The following LRG1 variants were observed in gnomAD, a reference collection of about 807,000 sequenced individuals.
LRG1 encodes leucine rich alpha-2-glycoprotein 1.
Under a neutral mutation model 2.4 loss-of-function variants are expected in LRG1, and 1 was observed. The ratio of observed to expected loss-of-function variants is 0.41; its 90% CI spans 0.15 to 1.95. LRG1 has a LOEUF of 1.95. Ranked by LOEUF, LRG1 falls within the 30% of genes most tolerant of loss-of-function variation. LRG1 has a pLI of 0.30. For missense variants in LRG1, 425 were observed against 436.9 expected, an observed-to-expected ratio of 0.97 and a Z score of 0.24; for synonymous variants, 226 against 210.6, an observed-to-expected ratio of 1.07 and a Z score of -0.63.
chr19:4,539,393 C>T (rs1395482015), intron 1 of LRG1, among the ~76,000 whole-genome samples: 2 of 152,224 alleles, frequency 1.3e-5, no homozygotes, highest in Non-Finnish European at 2.9e-5. Context: ...AGCTCCAATG[C>T]CCTCTTTTCC....
rs974706774 is a variant in LRG1 at position 4,536,888 on chromosome 19, C to T, written c.*1052G>A. On this transcript the variant is annotated 3_prime_UTR_variant, in exon 2 of 2. Transcript: ENST00000306390. ...CTTGCCCGGGGGCAGGTGCCCCCTTCGATGATCTCAGGTCAGCATGACAAA... is the reference window on the plus strand; with the variant it reads ...CTTGCCCGGGGGCAGGTGCCCCCTTTGATGATCTCAGGTCAGCATGACAAA... The T allele has an allele frequency of 6.6e-6, 1 of 152,288 alleles. No homozygotes were observed. Among genetic ancestry groups the T allele is most frequent in the Non-Finnish European group, 1.5e-5 (1 of 68,092 alleles). 9.4% of individuals were successfully genotyped at this position (152,288 alleles called of 1,614,324 possible). A position where few individuals can be genotyped will look rare whatever the true frequency, so the allele number is the denominator to read the frequency against.
In LRG1 at chr19:4,539,423, G is replaced by A. The variant is rs181486227; in HGVS notation, c.33-472C>T. ...TTTTCCATGAAGACTTCTCTGCTCT[G>A]GGATCCTGGTCTTTTTGTCCACTCT... On this transcript the variant is annotated intron_variant, in intron 1 of 1. Coordinates refer to ENST00000306390, the MANE Select transcript of LRG1 (RefSeq NM_052972.3). Among the ~76,000 whole-genome samples, 669 of 152,286 alleles carry A rather than the reference G, an allele frequency of 4.4e-3. 3 individuals carry two copies. Among genetic ancestry groups the A allele is most frequent in the Non-Finnish European group, 4.2e-3 (285 of 68,034 alleles).
Position 4,540,005 on chromosome 19 carries a change from A to G in LRG1, c.9T>C (p.Ser3=). 1.2e-6 allele frequency: 2 copies of G among 1,614,134 alleles called. No individual in the cohort carries two copies. The highest frequency in any genetic ancestry group is 1.1e-5 in the South Asian group (1 of 91,086). ...ACCTTTTTGGTCGCTGTCTGCTCCA[A>G]GAGGACATGGTAGCTCTGCTCTTTT... MS[S]WSRQRPKSPG... The change falls in exon 1 of 2, where the codon TCT becomes TCC. Residue 3 remains serine, a synonymous_variant. Transcript: ENST00000306390.
intron 1 of LRG1, 105 bp from the exon 2 acceptor site, chr19:4,539,056 A>C: frequency 1.8e-6 from 2 of 1,135,404 alleles, no homozygotes; most frequent in Non-Finnish European, 2.4e-6. Context: ...CTCTGCGGCT[A>C]CCAGCCTGGA....
At position 4,537,493 on chromosome 19, in the gene LRG1, A is replaced by G. The variant is rs1976957957; in HGVS notation, c.*447T>C. The stretch of plus-strand genomic sequence containing the variant: ...CCATCGTGTGTTCTAGGAAGCATGG[A>G]TGGATGAAACGGGGTCCCAGCCGCT... On this transcript the variant is annotated 3_prime_UTR_variant, in exon 2 of 2. Transcript: ENST00000306390. The G allele has an allele frequency of 3.6e-5, 6 of 167,644 alleles. No homozygotes were observed. The South Asian group carries it at 8.2e-4, about 23-fold the overall frequency. The allele number at this position is 167,644 out of a possible 1,614,324, so 10.4% of individuals were successfully genotyped here.
Position 4,538,043 on chromosome 19 carries a change from A to G in LRG1, c.941T>C (p.Leu314Pro). 6.2e-6 allele frequency: 10 copies of G among 1,614,190 alleles called. No individual in the cohort carries two copies. Among genetic ancestry groups the G allele is most frequent in the Non-Finnish European group, 6.8e-6 (8 of 1,180,038 alleles). ...DQNLSDLYRW[L>P]QAQKDKMFSQ... is the part of the protein sequence containing the mutation. ...AAACATCTTGTCTTTTTGGGCCTGA[A>G]GCCAACGATAGAGGTCGCTCAGGTT... Residue 314 changes from leucine to proline, a missense_variant, in exon 2 of 2, where the codon CTT becomes CCT. By Grantham distance (98) the Leu-to-Pro change is moderately conservative. Coordinates refer to ENST00000306390, the MANE Select transcript of LRG1 (RefSeq NM_052972.3).
Position 4,538,111 on chromosome 19 carries a change from C to T in LRG1, c.873G>A (p.Arg291=). 6.2e-7 allele frequency: 1 copy of T among 1,614,182 alleles called. No individual in the cohort carries two copies. The highest frequency in any genetic ancestry group is 1.1e-5 in the South Asian group (1 of 91,088). Residue 291 remains arginine, a synonymous_variant, in exon 2 of 2, where the codon CGG becomes CGA. Coordinates refer to ENST00000306390, the MANE Select transcript of LRG1 (RefSeq NM_052972.3). The stretch of plus-strand genomic sequence containing the variant: ...GGTTGCCGGAGATGTCGAAGCCATC[C>T]CGCATGTCCCAGTTTGGCTGCCCTA... The part of the protein sequence containing the change: ...ASLGQPNWDM[R]DGFDISGNPW...
intron 1 of LRG1, chr19:4,539,156 T>A: frequency 2.4e-6 from 1 of 419,884 alleles, no homozygotes. Context: ...CTGCCAGAAG[T>A]GGCCCCTGTT....
chr19:4,538,016 G>GA lies in LRG1; in HGVS notation c.967dup (p.Ser323PhefsTer4). ...CCCAGCACAGCGCGTGTCATTCTGG[G>GA]AAAACATCTTGTCTTTTTGGGCCTG... On this transcript the variant is annotated frameshift_variant, in exon 2 of 2. Coordinates refer to ENST00000306390, the MANE Select transcript of LRG1 (RefSeq NM_052972.3). LOFTEE classifies it low-confidence loss of function (END_TRUNC). The GA allele has an allele frequency of 6.2e-7, 1 of 1,614,136 alleles. No homozygotes were observed. The highest frequency in any genetic ancestry group is 1.1e-5 in the South Asian group (1 of 91,090).
rs535212158 is a variant in LRG1 at position 4,537,506 on chromosome 19, G to A, written c.*434C>T. The stretch of plus-strand genomic sequence containing the variant: ...TAGGAAGCATGGATGGATGAAACGG[G>A]GTCCCAGCCGCTATGGACAGCCCCG... On this transcript the variant is annotated 3_prime_UTR_variant, in exon 2 of 2. Coordinates refer to ENST00000306390, the MANE Select transcript of LRG1 (RefSeq NM_052972.3). 2 of 167,596 alleles carry A rather than the reference G, an allele frequency of 1.2e-5. No homozygotes were observed. Among genetic ancestry groups the A allele is most frequent in the Non-Finnish European group, 2.6e-5 (2 of 76,440 alleles). The allele number at this position is 167,596 out of a possible 1,614,324, so 10.4% of individuals were successfully genotyped here.
At position 4,538,395 on chromosome 19, in the gene LRG1, C is replaced by T. The variant is rs114295397; in HGVS notation, c.589G>A (p.Glu197Lys). 1.5e-3 allele frequency: 2,501 copies of T among 1,614,180 alleles called. 36 individuals are homozygous for T. The African/African-American group carries it at 0.029, about 19-fold the overall frequency. ...GGTGGCAAGGTCTCCAACTGGTTCT[C>T]CCCAAGGTCAAGGGTGCGCAGGAGG... ...FTLLRTLDLG[E>K]NQLETLPPDL... The change falls in exon 2 of 2, where the codon GAG (glutamate) becomes AAG (lysine). Residue 197 changes from glutamate (E) to lysine (K), a missense_variant. Physicochemically the swap from Glu to Lys is moderately conservative, Grantham distance 56. Transcript: ENST00000306390.
intron 1 of LRG1, among the ~76,000 whole-genome samples, chr19:4,539,525 G>A (rs1976988676): frequency 6.6e-6 from 1 of 152,332 alleles, no homozygotes; most frequent in South Asian, 2.1e-4. Flanking sequence ...AGTTGCCCAG[G>A]CTGGAGGGAA....
In LRG1 at chr19:4,538,564, G is replaced by A. The variant is rs868522046; in HGVS notation, c.420C>T (p.Ala140=). ...GLPPGLFQAS[A]TLDTLVLKEN... Reference sequence around the variant, plus strand: ...CTTTCAATACCAGGGTGTCCAGGGTGGCTGAGGCCTGGAAGAGGCCCGGGG... The same window carrying A: ...CTTTCAATACCAGGGTGTCCAGGGTAGCTGAGGCCTGGAAGAGGCCCGGGG... Residue 140 remains alanine (A), a synonymous_variant, in exon 2 of 2, where the codon GCC becomes GCT. Transcript: ENST00000306390. 1 of 1,613,558 alleles carries A rather than the reference G, an allele frequency of 6.2e-7. No homozygotes were observed. The highest frequency in any genetic ancestry group is 1.7e-5 in the Admixed American group (1 of 60,026).
rs775125758 is a variant in LRG1, at chr19:4,538,189, C to G, written c.795G>C (p.Leu265=). The part of the protein sequence containing the change: ...AFQGLRQLDM[L]DLSNNSLASV... Reference sequence around the variant, plus strand: ...TGGCCAGTGAGTTATTGGAGAGGTCCAGCATGTCCAGCTGCCGCAGGCCCT... The same window carrying G: ...TGGCCAGTGAGTTATTGGAGAGGTCGAGCATGTCCAGCTGCCGCAGGCCCT... The change falls in exon 2 of 2, where the codon CTG becomes CTC. Residue 265 remains leucine, a synonymous_variant. Coordinates refer to ENST00000306390, the MANE Select transcript of LRG1 (RefSeq NM_052972.3). 15 of 1,613,910 alleles carry G rather than the reference C, an allele frequency of 9.3e-6. No individual in the cohort carries two copies. In the East Asian group the frequency reaches 2.7e-4, roughly 29 times the overall value.
chr19:4,538,312 C>T lies in LRG1; in HGVS notation c.672G>A (p.Leu224=), dbSNP rs138388931. The T allele has an allele frequency of 1.3e-4, 207 of 1,614,112 alleles. No homozygotes were observed. Among genetic ancestry groups the T allele is most frequent in the Non-Finnish European group, 1.6e-4 (184 of 1,180,052 alleles). The change falls in exon 2 of 2, where the codon TTG becomes TTA. Residue 224 remains leucine (L), a synonymous_variant. Coordinates refer to ENST00000306390, the MANE Select transcript of LRG1 (RefSeq NM_052972.3). ...LERLHLEGNK[L]QVLGKDLLLP... ...AGAGGAGATCTTTTCCCAGTACTTGCAATTTGTTGCCTTCTAGATGTAGCC... is the reference window on the plus strand; with the variant it reads ...AGAGGAGATCTTTTCCCAGTACTTGTAATTTGTTGCCTTCTAGATGTAGCC...
chr19:4,538,867 G>T lies in LRG1; in HGVS notation c.117C>A (p.Ser39Arg), dbSNP rs757291207. The change falls in exon 2 of 2, where the codon AGC becomes AGA. Residue 39 changes from serine (S) to arginine (R), a missense_variant. Physicochemically the swap from Ser to Arg is moderately radical, Grantham distance 110. Transcript: ENST00000306390. ...AGCGGAACACCTGGCAGTCTTTGGG[G>T]CTCAGGGTGACCCCCCAGGCTGAGG... The part of the protein sequence containing the change: ...LAASAWGVTL[S>R]PKDCQVFRSD... 1 of 1,546,694 alleles carries T rather than the reference G, an allele frequency of 6.5e-7. No homozygotes were observed. The highest frequency in any genetic ancestry group is 2.3e-5 in the East Asian group (1 of 44,010).
Position 4,538,737 on chromosome 19 carries a change from G to C in LRG1, c.247C>G (p.Leu83Val), listed in dbSNP as rs1435644119. Residue 83 changes from leucine (L) to valine (V), a missense_variant, in exon 2 of 2, where the codon CTG (leucine) becomes GTG (valine). Coordinates refer to ENST00000306390, the MANE Select transcript of LRG1 (RefSeq NM_052972.3). The stretch of plus-strand genomic sequence containing the variant: ...GCGCCCTGGAGGAGGTTGGCTGGCA[G>C]GTGGGTCAGGTTGAAGAATTCCACG... ...LAVEFFNLTH[L>V]PANLLQGASK... 2.5e-6 allele frequency: 4 copies of C among 1,602,458 alleles called. No individual in the cohort carries two copies. In the African/African-American group the frequency reaches 5.4e-5, roughly 21 times the overall value.
rs777019572 is a variant in LRG1, at chr19:4,538,968, A to C, written c.33-17T>G. 9.4e-6 allele frequency: 14 copies of C among 1,497,012 alleles called. No individual in the cohort carries two copies. The highest frequency in any genetic ancestry group is 1.2e-5 in the Non-Finnish European group (14 of 1,122,062). 92.7% of individuals were successfully genotyped at this position (1,497,012 alleles called of 1,614,324 possible). A position where few individuals can be genotyped will look rare whatever the true frequency, so the allele number is the denominator to read the frequency against. On this transcript the variant is annotated splice_polypyrimidine_tract_variant and intron_variant, in intron 1 of 1. Coordinates refer to ENST00000306390, the MANE Select transcript of LRG1 (RefSeq NM_052972.3). ...CCCCCTGGGCTGCAGGCAGTAACAGAAGATGCTTACTAAACCACAGTGAAA... is the reference window on the plus strand; with the variant it reads ...CCCCCTGGGCTGCAGGCAGTAACAGCAGATGCTTACTAAACCACAGTGAAA...
At position 4,538,140 on chromosome 19, in the gene LRG1, A is replaced by T. The variant is rs759055738; in HGVS notation, c.844T>A (p.Ser282Thr). The T allele has an allele frequency of 5.6e-6, 9 of 1,614,036 alleles. No homozygotes were observed. Among genetic ancestry groups the T allele is most frequent in the Non-Finnish European group, 7.6e-6 (9 of 1,180,026 alleles). The change falls in exon 2 of 2, where the codon TCC becomes ACC. Residue 282 changes from serine to threonine, a missense_variant. By Grantham distance (58) the Ser-to-Thr change is moderately conservative. Coordinates refer to ENST00000306390, the MANE Select transcript of LRG1 (RefSeq NM_052972.3). Reference protein sequence around the residue: ...LASVPEGLWASLGQPNWDMRD... With the variant: ...LASVPEGLWATLGQPNWDMRD... Reference sequence around the variant, plus strand: ...ATGTCCCAGTTTGGCTGCCCTAGGGATGCCCAGAGCCCCTCGGGCACGCTG... The same window carrying T: ...ATGTCCCAGTTTGGCTGCCCTAGGGTTGCCCAGAGCCCCTCGGGCACGCTG...
Sources: allele counts gnomAD v4.1 joint callset (sites outside exome capture counted in the v4.1 genomes callset), GRCh38; gene constraint gnomAD v4.1.1; transcripts MANE v1.5; gene names NCBI Gene and HGNC (gene_info 2026-07-23, HGNC 2026-07-21).